AGBL4: variants seen among roughly 807,000 people sequenced by gnomAD.
The protein encoded by AGBL4 is AGBL carboxypeptidase 4, also known as cytosolic carboxypeptidase 6.
A neutral mutation model predicts 66.4 loss-of-function variants in AGBL4; 58 were observed. The observed-to-expected ratio is 0.87, with a 90% CI of 0.71 to 1.09. The LOEUF (loss-of-function observed/expected upper bound fraction) is 1.09. Ranked by LOEUF, AGBL4 falls within the 50% of genes least tolerant of loss-of-function variation. The probability of loss-of-function intolerance (pLI) is 0.00; values close to 1 mark genes in which losing one functional copy is unlikely to be tolerated. For synonymous variants in AGBL4, 234 were observed against 222.9 expected, an observed-to-expected ratio of 1.05 and a Z score of -0.44; for missense variants, 579 against 631.0, an observed-to-expected ratio of 0.92 and a Z score of 0.88.
intron 1 of AGBL4, among the ~76,000 whole-genome samples, chr1:49,934,983 A>G (rs1257542023): frequency 6.6e-6 from 1 of 152,230 alleles, no homozygotes; most frequent in Non-Finnish European, 1.5e-5. Context: ...CAGTGGGCAC[A>G]GGACAGTGGG....
intron 3 of AGBL4, among the ~76,000 whole-genome samples, chr1:49,598,659 G>T (rs959030750): frequency 2.0e-5 from 3 of 152,100 alleles, no homozygotes; most frequent in African/African-American, 4.8e-5. Flanking sequence ...CTGCTCGGGG[G>T]TCAGGGGTCA....
At chr1:49,948,562 A>AATATATAT (rs1655754799) in intron 1 of AGBL4, among the ~76,000 whole-genome samples, 2 of 103,234 alleles carry the variant, frequency 1.9e-5, no homozygotes, top group African/African-American at 7.2e-5. Flanking sequence ...TAAATATATA[A>AATATATAT]AAATATATAT....
At chr1:49,335,748 C>A (rs916548201) in intron 3 of AGBL4, among the ~76,000 whole-genome samples, 3 of 152,150 alleles carry the variant, frequency 2.0e-5, no homozygotes, top group African/African-American at 7.2e-5. Context: ...ATCTCCTGAC[C>A]TTGTGATCCG....
intron 6 of AGBL4, among the ~76,000 whole-genome samples, chr1:48,790,194 T>G (rs1489875161): frequency 6.6e-6 from 1 of 151,474 alleles, no homozygotes; most frequent in African/African-American, 2.5e-5. Context: ...ACGTAACAGA[T>G]TTACCAGCAC....
At chr1:48,723,578 A>C (rs1647183629) in intron 6 of AGBL4, among the ~76,000 whole-genome samples, 1 of 152,254 alleles carries the variant, frequency 6.6e-6, no homozygotes, top group African/African-American at 2.4e-5. Context: ...GTCCATAAGA[A>C]AACTAAACAC....
In AGBL4 at chr1:48,711,184, A is replaced by G. The variant is rs143859048; in HGVS notation, c.635-47943T>C. ...CACAGAGTCTACTGACTGGAGGATG[A>G]CAAAGGCTGGGCTGCACTCTTGGGG... On this transcript the variant is annotated intron_variant, in intron 6 of 13. Coordinates refer to ENST00000371839, the MANE Select transcript of AGBL4 (RefSeq NM_032785.4). 1.3e-3 allele frequency among the ~76,000 whole-genome samples: 196 copies of G among 152,296 alleles called. 1 individual carries two copies. Among genetic ancestry groups the G allele is most frequent in the South Asian group, 3.3e-3 (16 of 4,816 alleles).
chr1:49,430,460 G>GT (rs1645761446), intron 3 of AGBL4, among the ~76,000 whole-genome samples: 1 of 152,106 alleles, frequency 6.6e-6, no homozygotes, highest in Non-Finnish European at 1.5e-5. Flanking sequence ...CTTTGCTTCT[G>GT]TATCAGCAGA....
intron 6 of AGBL4, among the ~76,000 whole-genome samples, chr1:48,689,433 T>TTCC (rs1557880462): frequency 0.019 from 2,694 of 145,456 alleles, 97 homozygotes; most frequent in African/African-American, 0.068. Context: ...TCCTTTCTTC[T>TTCC]TTCCTTCCCT....
At chr1:49,561,301 T>C (rs1644034332) in intron 3 of AGBL4, among the ~76,000 whole-genome samples, 1 of 151,892 alleles carries the variant, frequency 6.6e-6, no homozygotes, top group Non-Finnish European at 1.5e-5. Flanking sequence ...ATTATTATTA[T>C]TATACTTTAA....
At chr1:48,877,341 G>A (rs929125131) in intron 5 of AGBL4, among the ~76,000 whole-genome samples, 4 of 151,984 alleles carry the variant, frequency 2.6e-5, no homozygotes, top group Non-Finnish European at 4.4e-5. Context: ...AGAGGGCCTC[G>A]TTTTAGACAT....
chr1:49,078,715 C>A (rs576631856), intron 4 of AGBL4, among the ~76,000 whole-genome samples: 2 of 152,214 alleles, frequency 1.3e-5, no homozygotes, highest in South Asian at 4.2e-4. Flanking sequence ...GCCTCTCTGC[C>A]CAAAGTCCTC....
intron 2 of AGBL4, among the ~76,000 whole-genome samples, chr1:49,705,799 A>G (rs967557592): frequency 6.6e-6 from 1 of 151,946 alleles, no homozygotes; most frequent in Non-Finnish European, 1.5e-5. Context: ...CTATTGATAT[A>G]ATCATGTGGT....
chr1:48,779,599 G>C (rs1645239486), intron 6 of AGBL4, among the ~76,000 whole-genome samples: 1 of 152,162 alleles, frequency 6.6e-6, no homozygotes, highest in Non-Finnish European at 1.5e-5. Flanking sequence ...ACCTAGCACA[G>C]GGCTGGGGAG....
intron 11 of AGBL4, among the ~76,000 whole-genome samples, chr1:48,545,213 A>G (rs982251957): frequency 6.6e-6 from 1 of 152,198 alleles, no homozygotes; most frequent in African/African-American, 2.4e-5. Context: ...AAGGGAAAGG[A>G]GATGGGCTGT....
At chr1:49,027,635 C>A (rs1557574600) in intron 5 of AGBL4, among the ~76,000 whole-genome samples, 1 of 152,044 alleles carries the variant, frequency 6.6e-6, no homozygotes, top group Non-Finnish European at 1.5e-5. Flanking sequence ...TATGATTTCA[C>A]CTTGGGAGGG....
intron 6 of AGBL4, among the ~76,000 whole-genome samples, chr1:48,815,182 C>A (rs1258919343): frequency 6.6e-6 from 1 of 152,040 alleles, no homozygotes; most frequent in Non-Finnish European, 1.5e-5. Context: ...ATTTTTTGGT[C>A]ATTTGTATGT....
At chr1:49,839,524 T>TC in intron 2 of AGBL4, among the ~76,000 whole-genome samples, 1 of 152,282 alleles carries the variant, frequency 6.6e-6, no homozygotes, top group African/African-American at 2.4e-5. Flanking sequence ...GTTAAAGAGG[T>TC]CATCAAATGA....
At chr1:49,612,505 CG>C (rs1558100619) in intron 3 of AGBL4, among the ~76,000 whole-genome samples, 1 of 151,944 alleles carries the variant, frequency 6.6e-6, no homozygotes, top group East Asian at 1.9e-4. Context: ...TATCCAGAAA[CG>C]ATATGGAACT....
At chr1:48,647,517 C>A in intron 8 of AGBL4, 3 of 359,940 alleles carry the variant, frequency 8.3e-6, no homozygotes, top group Middle Eastern at 4.0e-4. Context: ...TTTTTATGCC[C>A]AGAAACATAA....
Sources: gnomAD v4.1 joint callset for allele counts (sites outside exome capture counted in the v4.1 genomes callset) on GRCh38, gnomAD v4.1.1 for gene constraint, MANE v1.5 for transcripts, NCBI Gene and HGNC (gene_info 2026-07-23, HGNC 2026-07-21) for gene names.